Variants in ILF2 observed in about 807,000 individuals in gnomAD.
ILF2 encodes the protein interleukin enhancer-binding factor 2.
In ILF2, 9 loss-of-function variants were observed where a neutral mutation model predicts 55.3. The ratio of observed to expected loss-of-function variants is 0.16; its 90% CI spans 0.10 to 0.28. ILF2 has a LOEUF of 0.28. ILF2 is among the 10% of genes least tolerant of loss of function. ILF2 has a pLI of 1.00. For synonymous variants in ILF2, 151 were observed against 161.8 expected (o/e 0.93, Z 0.50); for missense variants, 266 against 474.9 (o/e 0.56, Z 4.09).
rs1669220092 is a variant in ILF2, at chr1:153,663,253, G to A, written c.768C>T (p.Asn256=). Residue 256 remains asparagine (N), a synonymous_variant, in exon 11 of 14, where the codon AAC becomes AAT. Coordinates refer to ENST00000361891, the MANE Select transcript of ILF2 (RefSeq NM_004515.4). Reference sequence around the variant, plus strand: ...TTAGGGCCAAAGGCTGTCTGGTGGGGTTGTTCATCACAGCATAATGGCCCT... The same window carrying A: ...TTAGGGCCAAAGGCTGTCTGGTGGGATTGTTCATCACAGCATAATGGCCCT... ...DLLGHYAVMN[N]PTRQPLALNV... 3.1e-6 allele frequency: 5 copies of A among 1,614,072 alleles called. No individual in the cohort carries two copies. Among genetic ancestry groups the A allele is most frequent in the African/African-American group, 1.3e-5 (1 of 74,926 alleles).
At position 153,662,456 on chromosome 1, in the gene ILF2, CTCT is replaced by C. The variant is rs1557950713; in HGVS notation, c.1110_1112del (p.Glu372del). On this transcript the variant is annotated inframe_deletion, in exon 14 of 14. Transcript: ENST00000361891. ...CTTGAGGTGGTTCTTCTGTATTCTC[CTCT>C]TCTTCCTCTCCTTCCTTCTTCTCTG... 3 of 1,612,932 alleles carry C rather than the reference CTCT, an allele frequency of 1.9e-6. No individual in the cohort carries two copies. The South Asian group carries it at 3.3e-5, about 18-fold the overall frequency.
chr1:153,669,626 A>G (rs1028145555), intron 3 of ILF2, among the ~76,000 whole-genome samples: 2 of 152,018 alleles, frequency 1.3e-5, no homozygotes, highest in African/African-American at 2.4e-5. Context: ...TTTTTAGTAG[A>G]GACGGGGTTT....
At chr1:153,663,885 T>C (rs1427180770) in intron 10 of ILF2, among the ~76,000 whole-genome samples, 158 bp downstream of exon 10, 1 of 152,036 alleles carries the variant, frequency 6.6e-6, no homozygotes, top group East Asian at 1.9e-4. Flanking sequence ...TGAATTTTTA[T>C]TGGATTACTT....
chr1:153,664,328 G>T, intron 9 of ILF2, 68 bp downstream of exon 9: 2 of 1,284,784 alleles, frequency 1.6e-6, no homozygotes, highest in Middle Eastern at 1.8e-4. Context: ...GAGGAAGTAT[G>T]GGGGTATCCT....
At position 153,667,546 on chromosome 1, in the gene ILF2, C is replaced by T; in HGVS notation, c.394+9G>A. Reference sequence around the variant, plus strand: ...TTCTGTTCCCATGACCAGAAACAGGCACACTCACACGTTGGCAGAATCTTG... The same window carrying T: ...TTCTGTTCCCATGACCAGAAACAGGTACACTCACACGTTGGCAGAATCTTG... On this transcript the variant is annotated intron_variant, in intron 6 of 13. Coordinates refer to ENST00000361891, the MANE Select transcript of ILF2 (RefSeq NM_004515.4). The T allele has an allele frequency of 6.4e-7, 1 of 1,568,998 alleles. No homozygotes were observed. Among genetic ancestry groups the T allele is most frequent in the Non-Finnish European group, 8.8e-7 (1 of 1,138,806 alleles).
At chr1:153,670,127 G>C in intron 2 of ILF2, 44 bp downstream of exon 2, 1 of 1,592,006 alleles carries the variant, frequency 6.3e-7, no homozygotes, top group Non-Finnish European at 8.6e-7. Flanking sequence ...ATGACAAGCA[G>C]AAACTAACAA....
At chr1:153,667,692 A>G in intron 5 of ILF2, 35 bp from the exon 6 acceptor site, 1 of 1,492,372 alleles carries the variant, frequency 6.7e-7, no homozygotes, top group South Asian at 1.2e-5. Context: ...AAAACAATTT[A>G]GAAGAAAAAA....
At chr1:153,670,531 T>G (rs1669416806) in intron 1 of ILF2, among the ~76,000 whole-genome samples, 2 of 152,262 alleles carry the variant, frequency 1.3e-5, no homozygotes, top group South Asian at 4.1e-4. Context: ...TTCACTAAGG[T>G]ACACATTTAT....
chr1:153,669,747 A>C, intron 3 of ILF2, 89 bp downstream of exon 3: 15 of 1,133,412 alleles, frequency 1.3e-5, no homozygotes, highest in Non-Finnish European at 2.0e-5. Flanking sequence ...TGCCCTCTTC[A>C]ACCACCATCT....
At chr1:153,666,554 A>C (rs1413112285) in intron 6 of ILF2, among the ~76,000 whole-genome samples, 2 of 151,486 alleles carry the variant, frequency 1.3e-5, no homozygotes, top group Non-Finnish European at 2.9e-5. Flanking sequence ...GGATCTCTCT[A>C]TGTTATACAG....
At chr1:153,669,520 GGTTCACTGCAACCTCCGC>G (rs1217560605) in intron 3 of ILF2, among the ~76,000 whole-genome samples, 1 of 151,408 alleles carries the variant, frequency 6.6e-6, no homozygotes, top group Non-Finnish European at 1.5e-5. Context: ...GTGCCATCTT[GGTTCACTGCAACCTCCGC>G]GTCCCGGGTT....
Position 153,668,092 on chromosome 1 carries a change from G to A in ILF2, c.214-15C>T. On this transcript the variant is annotated splice_polypyrimidine_tract_variant and intron_variant, in intron 4 of 13. Coordinates refer to ENST00000361891, the MANE Select transcript of ILF2 (RefSeq NM_004515.4). ...AGGATAGATGCCTGAAAAACAGTATGAAACAATACTTGAAAATGAAAAATT... is the reference window on the plus strand; with the variant it reads ...AGGATAGATGCCTGAAAAACAGTATAAAACAATACTTGAAAATGAAAAATT... The A allele has an allele frequency of 6.5e-7, 1 of 1,547,614 alleles. No individual in the cohort carries two copies. Among genetic ancestry groups the A allele is most frequent in the East Asian group, 2.2e-5 (1 of 44,576 alleles).
At chr1:153,662,958 G>T in intron 12 of ILF2, 61 bp downstream of exon 12, 1 of 1,435,044 alleles carries the variant, frequency 7.0e-7, no homozygotes, top group Non-Finnish European at 9.8e-7. Flanking sequence ...CGCTTTGCCT[G>T]CTGAGCAGCA....
intron 3 of ILF2, 79 bp downstream of exon 3, chr1:153,669,757 T>A: frequency 1.6e-6 from 2 of 1,215,448 alleles, no homozygotes; most frequent in Non-Finnish European, 2.5e-6. Context: ...AACCACCATC[T>A]AACTTCATTA....
rs781229927 is a variant in ILF2, at chr1:153,667,518, AT to A, written c.394+36del. 3.7e-6 allele frequency: 5 copies of A among 1,360,354 alleles called. No individual in the cohort carries two copies. The African/African-American group carries it at 7.1e-5, about 19-fold the overall frequency. The allele number at this position is 1,360,354 out of a possible 1,614,324, so 84.3% of individuals were successfully genotyped here. A position where few individuals can be genotyped will look rare whatever the true frequency, so the allele number is the denominator to read the frequency against. On this transcript the variant is annotated intron_variant, in intron 6 of 13. Coordinates refer to ENST00000361891, the MANE Select transcript of ILF2 (RefSeq NM_004515.4). ...TACCTAAACCCCTAATCCAAGTGCT[AT>A]GTTCTGTTCCCATGACCAGAAACAG...
At chr1:153,667,797 T>C (rs1669349123) in intron 5 of ILF2, 140 bp from the exon 6 acceptor site, 1 of 695,066 alleles carries the variant, frequency 1.4e-6, no homozygotes, top group South Asian at 1.8e-5. Context: ...AACCACCACA[T>C]GAAAGCCTGA....
At position 153,668,309 on chromosome 1, in the gene ILF2, A is replaced by T. The variant is rs899942364; in HGVS notation, c.213+144T>A. ...TATATCCACCTGGCTATCTCCACCC[A>T]CAATGAGAAATAAGGAGAACAATTA... On this transcript the variant is annotated intron_variant, in intron 4 of 13. Transcript: ENST00000361891. The T allele has an allele frequency of 4.7e-6, 5 of 1,059,488 alleles. No individual in the cohort carries two copies. In the African/African-American group the frequency reaches 8.0e-5, roughly 17 times the overall value. 65.6% of individuals were successfully genotyped at this position (1,059,488 alleles called of 1,614,324 possible). A position where few individuals can be genotyped will look rare whatever the true frequency, so the allele number is the denominator to read the frequency against.
intron 10 of ILF2, 46 bp from the exon 11 acceptor site, chr1:153,663,322 C>G: frequency 2.6e-6 from 4 of 1,547,704 alleles, no homozygotes; most frequent in Non-Finnish European, 3.6e-6. Flanking sequence ...AATGGCACTT[C>G]TGATAACTAG....
At chr1:153,667,006 C>T (rs1337486360) in intron 6 of ILF2, among the ~76,000 whole-genome samples, 1 of 152,186 alleles carries the variant, frequency 6.6e-6, no homozygotes, top group Admixed American at 6.5e-5. Context: ...CCTGTAATCC[C>T]AGCTACTTGG....
Sources: allele counts gnomAD v4.1 joint callset (sites outside exome capture counted in the v4.1 genomes callset), GRCh38; gene constraint gnomAD v4.1.1; transcripts MANE v1.5; gene names NCBI Gene and HGNC (gene_info 2026-07-23, HGNC 2026-07-21).